ZFPM2: variants seen among roughly 807,000 people sequenced by gnomAD.
ZFPM2 encodes zinc finger protein ZFPM2.
In ZFPM2, 20 loss-of-function variants were observed where a neutral mutation model predicts 98.6. That is an observed-to-expected ratio of 0.20 (90% CI 0.14 to 0.29). ZFPM2 has a LOEUF of 0.29. ZFPM2 is among the 10% of genes least tolerant of loss of function. The pLI, the probability that ZFPM2 is intolerant of heterozygous loss-of-function variation, is 1.00. For synonymous variants in ZFPM2, 518 were observed against 502.7 expected, an observed-to-expected ratio of 1.03 and a Z score of -0.41; for missense variants, 1,310 against 1,388.6, an observed-to-expected ratio of 0.94 and a Z score of 0.90.
chr8:105,575,588 C>T (rs1216229690), intron 4 of ZFPM2, among the ~76,000 whole-genome samples: 1 of 152,118 alleles, frequency 6.6e-6, no homozygotes, highest in East Asian at 1.9e-4. Flanking sequence ...AATTCTGTGA[C>T]TGTCATAGGG....
At chr8:105,572,187 G>A (rs1362608791) in intron 4 of ZFPM2, among the ~76,000 whole-genome samples, 9 of 151,160 alleles carry the variant, frequency 6.0e-5, no homozygotes, top group African/African-American at 1.2e-4. Context: ...ACAGGTGCAC[G>A]CCACCACACC....
At chr8:105,461,971 A>G (rs1300465032) in intron 3 of ZFPM2, among the ~76,000 whole-genome samples, 1 of 152,070 alleles carries the variant, frequency 6.6e-6, no homozygotes, top group Non-Finnish European at 1.5e-5. Flanking sequence ...TGATTGTCGC[A>G]CTTATTATTT....
chr8:105,797,396 C>CTCTT (rs1491426990), intron 6 of ZFPM2, among the ~76,000 whole-genome samples: 3 of 152,098 alleles, frequency 2.0e-5, no homozygotes, highest in South Asian at 4.1e-4. Context: ...CCAGTCAAAA[C>CTCTT]TCTTTCTTCC....
intron 6 of ZFPM2, among the ~76,000 whole-genome samples, chr8:105,794,308 C>T (rs535786957): frequency 6.6e-6 from 1 of 152,212 alleles, no homozygotes; most frequent in East Asian, 1.9e-4. Context: ...ACAGGACCCT[C>T]AGCTGCAGGT....
rs191531054 is a variant in ZFPM2 at position 105,523,469 on chromosome 8, C to T, written c.302-37894C>T. 3.9e-3 allele frequency among the ~76,000 whole-genome samples: 587 copies of T among 152,302 alleles called. 3 individuals carry two copies. Among genetic ancestry groups the T allele is most frequent in the Non-Finnish European group, 7.0e-3 (479 of 68,028 alleles). ...CTGCTCTTGTGTTGCCCCTCCCCAC[C>T]AACACCTCCCCAACCAGTGAGTGGT... On this transcript the variant is annotated intron_variant, in intron 3 of 7. Coordinates refer to ENST00000407775, the MANE Select transcript of ZFPM2 (RefSeq NM_012082.4).
rs922538895 is a variant in ZFPM2 at position 105,748,448 on chromosome 8, C to T, written c.533-40270C>T. 3.3e-5 allele frequency among the ~76,000 whole-genome samples: 5 copies of T among 151,858 alleles called. No individual in the cohort carries two copies. The East Asian group carries it at 5.8e-4, about 18-fold the overall frequency. On this transcript the variant is annotated intron_variant, in intron 5 of 7. Transcript: ENST00000407775. ...CTTGATTTCTTAGGCATTAGTAAAC[C>T]GTAAATGAAGCATGTATACATTTGC...
At chr8:105,496,054 C>G (rs1441349950) in intron 3 of ZFPM2, among the ~76,000 whole-genome samples, 1 of 152,148 alleles carries the variant, frequency 6.6e-6, no homozygotes, top group Non-Finnish European at 1.5e-5. Flanking sequence ...TAACTAAACT[C>G]CAGACTTTAT....
chr8:105,533,980 C>T (rs1329711224), intron 3 of ZFPM2, among the ~76,000 whole-genome samples: 4 of 38,450 alleles, frequency 1.0e-4, no homozygotes, highest in African/African-American at 4.5e-4. Flanking sequence ...CTCCTCCCTC[C>T]CTCCTTCCCT....
At chr8:105,630,799 T>C (rs1816742094) in intron 4 of ZFPM2, among the ~76,000 whole-genome samples, 3 of 152,170 alleles carry the variant, frequency 2.0e-5, no homozygotes, top group Admixed American at 2.0e-4. Context: ...AGTGAAATGC[T>C]TACCTCAATA....
At chr8:105,342,938 T>G (rs1319215936) in intron 1 of ZFPM2, among the ~76,000 whole-genome samples, 1 of 151,952 alleles carries the variant, frequency 6.6e-6, no homozygotes, top group African/African-American at 2.4e-5. Context: ...TAATAATAAG[T>G]ATAACAATCT....
chr8:105,395,926 G>A (rs561639386), intron 1 of ZFPM2, among the ~76,000 whole-genome samples: 2 of 152,270 alleles, frequency 1.3e-5, no homozygotes, highest in South Asian at 4.1e-4. Context: ...TTTTCCAAGT[G>A]ATACTTCATA....
intron 4 of ZFPM2, among the ~76,000 whole-genome samples, chr8:105,626,614 G>C (rs1741200861): frequency 6.6e-6 from 1 of 152,100 alleles, no homozygotes. Context: ...GCGTGTGTGT[G>C]TATGTGTATG....
intron 4 of ZFPM2, among the ~76,000 whole-genome samples, chr8:105,598,594 T>C (rs1042968498): frequency 6.6e-6 from 1 of 152,164 alleles, no homozygotes; most frequent in African/African-American, 2.4e-5. Flanking sequence ...ATGCCATAGA[T>C]GTTCACAAAA....
chr8:105,348,321 C>T (rs1025597389), intron 1 of ZFPM2, among the ~76,000 whole-genome samples: 3 of 152,144 alleles, frequency 2.0e-5, no homozygotes, highest in African/African-American at 7.2e-5. Flanking sequence ...TTACAATCTA[C>T]CATTCTAAAA....
At chr8:105,466,465 A>G (rs1044647546) in intron 3 of ZFPM2, among the ~76,000 whole-genome samples, 16 of 152,174 alleles carry the variant, frequency 1.1e-4, no homozygotes, top group African/African-American at 3.9e-4. Flanking sequence ...GATGTTAGTG[A>G]TATTCTAAAG....
At chr8:105,359,166 A>T (rs1355885711) in intron 1 of ZFPM2, among the ~76,000 whole-genome samples, 6 of 151,910 alleles carry the variant, frequency 3.9e-5, no homozygotes, top group Non-Finnish European at 7.4e-5. Context: ...TGATGGTTTG[A>T]TAGATGGTAG....
intron 5 of ZFPM2, among the ~76,000 whole-genome samples, chr8:105,703,814 T>C (rs1011007782): frequency 6.6e-6 from 1 of 152,208 alleles, no homozygotes; most frequent in African/African-American, 2.4e-5. Flanking sequence ...TCAGGTCATA[T>C]TTAAAGAATC....
At chr8:105,572,033 C>CTTTTTTT (rs869198147) in intron 4 of ZFPM2, among the ~76,000 whole-genome samples, 12 of 103,370 alleles carry the variant, frequency 1.2e-4, no homozygotes, top group African/African-American at 1.8e-4. Flanking sequence ...GGGTAAATTT[C>CTTTTTTT]TTTTTTTTTT....
At position 105,561,482 on chromosome 8, in the gene ZFPM2, G is replaced by A. The variant is rs1192680642; in HGVS notation, c.420+1G>A. 6.2e-7 allele frequency: 1 copy of A among 1,603,098 alleles called. No homozygotes were observed. The highest frequency in any genetic ancestry group is 1.7e-5 in the Admixed American group (1 of 59,386). ...GATGGACTTGAATAATAATTCTTTGGTATGTGGATATTCCGAGATGGTTAA... is the reference window on the plus strand; with the variant it reads ...GATGGACTTGAATAATAATTCTTTGATATGTGGATATTCCGAGATGGTTAA... On this transcript the variant is annotated splice_donor_variant, in intron 4 of 7. Coordinates refer to ENST00000407775, the MANE Select transcript of ZFPM2 (RefSeq NM_012082.4). LOFTEE classifies it high-confidence loss of function.
Sources: allele counts gnomAD v4.1 joint callset (sites outside exome capture counted in the v4.1 genomes callset), GRCh38; gene constraint gnomAD v4.1.1; transcripts MANE v1.5; gene names NCBI Gene and HGNC (gene_info 2026-07-23, HGNC 2026-07-21).